The following TMEM183A variants were observed in gnomAD, a reference collection of about 807,000 sequenced individuals.
The protein encoded by TMEM183A is transmembrane protein 183A.
In TMEM183A, 21 loss-of-function variants were observed where a neutral mutation model predicts 46.7. The observed-to-expected ratio is 0.45, with a 90% CI of 0.32 to 0.65. The LOEUF (loss-of-function observed/expected upper bound fraction) is 0.65. Among genes scored for constraint, TMEM183A ranks in the 30% least tolerant of loss-of-function variants. The pLI, the probability that TMEM183A is intolerant of heterozygous loss-of-function variation, is 0.04. For synonymous variants in TMEM183A, 165 were observed against 180.2 expected (o/e 0.92, Z 0.68); for missense variants, 331 against 481.9 (o/e 0.69, Z 2.93).
intron 3 of TMEM183A, among the ~76,000 whole-genome samples, chr1:203,012,424 C>T (rs1252640322): frequency 6.6e-6 from 1 of 152,136 alleles, no homozygotes; most frequent in South Asian, 2.1e-4. Flanking sequence ...TTTCTGTTTA[C>T]TGTTCTCACA....
chr1:203,020,788 T>G lies in TMEM183A; in HGVS notation c.790-5T>G, dbSNP rs1657584779. On this transcript the variant is annotated splice_polypyrimidine_tract_variant and splice_region_variant and intron_variant, in intron 6 of 7. Transcript: ENST00000367242. Reference sequence around the variant, plus strand: ...GCCATTGGATTAATTCTCAGTTCTCTTCAGTCCCCTAGGTTAAAGAGCAAG... The same window carrying G: ...GCCATTGGATTAATTCTCAGTTCTCGTCAGTCCCCTAGGTTAAAGAGCAAG... The G allele has an allele frequency of 6.2e-7, 1 of 1,613,712 alleles. No homozygotes were observed. The highest frequency in any genetic ancestry group is 8.5e-7 in the Non-Finnish European group (1 of 1,179,830).
intron 3 of TMEM183A, among the ~76,000 whole-genome samples, chr1:203,009,108 C>T (rs953861015): frequency 6.6e-6 from 1 of 152,148 alleles, no homozygotes; most frequent in Non-Finnish European, 1.5e-5. Context: ...GGTAAAAACC[C>T]ATAAGGCAAT....
At chr1:203,008,475 T>C (rs1656210984) in intron 2 of TMEM183A, among the ~76,000 whole-genome samples, 168 bp from the exon 3 acceptor site, 1 of 150,332 alleles carries the variant, frequency 6.7e-6, no homozygotes, top group Non-Finnish European at 1.5e-5. Flanking sequence ...TTTTTTTGTA[T>C]TTAAAATACT....
intron 3 of TMEM183A, among the ~76,000 whole-genome samples, chr1:203,012,077 T>G (rs1656655705): frequency 6.6e-6 from 1 of 151,832 alleles, no homozygotes; most frequent in Non-Finnish European, 1.5e-5. Flanking sequence ...TTTCTTTTTT[T>G]AATTAACATT....
chr1:203,012,541 C>T (rs868572842), intron 3 of TMEM183A, among the ~76,000 whole-genome samples: 1 of 152,148 alleles, frequency 6.6e-6, no homozygotes, highest in Admixed American at 6.5e-5. Context: ...TGATTTATCT[C>T]CATGAAGCTT....
intron 3 of TMEM183A, among the ~76,000 whole-genome samples, chr1:203,012,214 CAACCATTACTCCCCACTCCA>C: frequency 2.1e-5 from 2 of 97,006 alleles, no homozygotes; most frequent in African/African-American, 4.0e-5. Flanking sequence ...ATTTTTACTT[CAACCATTACTCCCCACTCCA>C]TCACACACAC....
intron 1 of TMEM183A, 47 bp from the exon 2 acceptor site, chr1:203,007,727 G>T: frequency 6.2e-7 from 1 of 1,607,608 alleles, no homozygotes; most frequent in Non-Finnish European, 8.5e-7. Context: ...CGGGGAAGAC[G>T]CTGACGAGAG....
rs958582534 is a variant in TMEM183A, at chr1:203,007,845, A to G, written c.181A>G (p.Asn61Asp). 8 of 1,614,108 alleles carry G rather than the reference A, an allele frequency of 5.0e-6. No individual in the cohort carries two copies. Among genetic ancestry groups the G allele is most frequent in the Non-Finnish European group, 6.8e-6 (8 of 1,179,934 alleles). Residue 61 changes from asparagine (N) to aspartate (D), a missense_variant, in exon 2 of 8, where the codon AAC becomes GAC. By Grantham distance (23) the Asn-to-Asp change is conservative. Coordinates refer to ENST00000367242, the MANE Select transcript of TMEM183A (RefSeq NM_138391.6). ...RSGRVKKAVA[N>D]AVQQEVKSLC... Reference sequence around the variant, plus strand: ...TGGACGAGTCAAGAAAGCCGTAGCCAACGCTGTTCAGCAGGAAGGTAAGCT... The same window carrying G: ...TGGACGAGTCAAGAAAGCCGTAGCCGACGCTGTTCAGCAGGAAGGTAAGCT...
chr1:203,012,148 T>TCTCACATACA (rs1553249434), intron 3 of TMEM183A, among the ~76,000 whole-genome samples: 9 of 79,400 alleles, frequency 1.1e-4, no homozygotes, highest in Non-Finnish European at 1.9e-4. Context: ...CCCCACTCCA[T>TCTCACATACA]CACACACACA....
At chr1:203,017,668 A>G in intron 5 of TMEM183A, 1 of 903,154 alleles carries the variant, frequency 1.1e-6, no homozygotes, top group African/African-American at 1.8e-5. Flanking sequence ...CGTGGCATTC[A>G]GGGAGTTGCC....
At position 203,007,397 on chromosome 1, in the gene TMEM183A, G is replaced by C. The variant is rs1032545749; in HGVS notation, c.-69G>C. The C allele has an allele frequency of 4.2e-5, 55 of 1,320,988 alleles. No homozygotes were observed. Among genetic ancestry groups the C allele is most frequent in the Non-Finnish European group, 5.2e-5 (54 of 1,030,618 alleles). 81.8% of individuals were successfully genotyped at this position (1,320,988 alleles called of 1,614,324 possible). A position where few individuals can be genotyped will look rare whatever the true frequency, so the allele number is the denominator to read the frequency against. On this transcript the variant is annotated 5_prime_UTR_variant, in exon 1 of 8. Transcript: ENST00000367242. The stretch of plus-strand genomic sequence containing the variant: ...TTCTCGCGAGAGTTAGCGGCCTCCG[G>C]TGTGGGATGGCCGCGGAGCCGGGCG...
chr1:203,014,373 C>T (rs750509884), intron 3 of TMEM183A, among the ~76,000 whole-genome samples: 6 of 152,120 alleles, frequency 3.9e-5, no homozygotes, highest in African/African-American at 9.7e-5. Flanking sequence ...GAGGCCAAGG[C>T]GGGTGGATCA....
chr1:203,022,564 A>G (rs919113298), intron 7 of TMEM183A, among the ~76,000 whole-genome samples: 14 of 151,972 alleles, frequency 9.2e-5, no homozygotes, highest in African/African-American at 3.4e-4. Context: ...TTAGCCGGTC[A>G]TGGTGGTGCA....
chr1:203,022,652 G>A (rs1657805568), intron 7 of TMEM183A, among the ~76,000 whole-genome samples: 2 of 150,596 alleles, frequency 1.3e-5, no homozygotes, highest in South Asian at 2.1e-4. Flanking sequence ...GCAGTGAGCC[G>A]AGATCACATC....
intron 3 of TMEM183A, among the ~76,000 whole-genome samples, chr1:203,009,584 C>T (rs528008057): frequency 3.3e-5 from 5 of 152,074 alleles, no homozygotes; most frequent in African/African-American, 1.2e-4. Context: ...CAGGCTTAAG[C>T]GATCCCCCCA....
At position 203,014,962 on chromosome 1, in the gene TMEM183A, T is replaced by C; in HGVS notation, c.441T>C (p.Pro147=). Residue 147 remains proline (P), a synonymous_variant, in exon 4 of 8, where the codon CCT becomes CCC. Transcript: ENST00000367242. ...TATTGCTGGCCTCCTATATCCGTCC[T>C]GAGGACATTGTGAATTTTTCCCTGA... The part of the protein sequence containing the change: ...IWLLLASYIR[P]EDIVNFSLIC... The C allele has an allele frequency of 6.2e-7, 1 of 1,613,956 alleles. No individual in the cohort carries two copies. Among genetic ancestry groups the C allele is most frequent in the Non-Finnish European group, 8.5e-7 (1 of 1,179,880 alleles).
chr1:203,018,316 C>T (rs1340343014), intron 5 of TMEM183A, among the ~76,000 whole-genome samples, 165 bp from the exon 6 acceptor site: 1 of 152,168 alleles, frequency 6.6e-6, no homozygotes, highest in African/African-American at 2.4e-5. Flanking sequence ...GCACCAGTGT[C>T]AACTTGGGGG....
intron 4 of TMEM183A, chr1:203,015,731 G>A (rs1657105843): frequency 1.8e-6 from 1 of 550,538 alleles, no homozygotes; most frequent in East Asian, 3.2e-5. Context: ...TTGCTCTTTT[G>A]TTCAGTGAAA....
At chr1:203,008,600 G>A (rs1656230062) in intron 2 of TMEM183A, 43 bp from the exon 3 acceptor site, 2 of 1,415,784 alleles carry the variant, frequency 1.4e-6, no homozygotes, top group African/African-American at 1.5e-5. Flanking sequence ...GTATTTCTGG[G>A]TGGAGCTGTG....
Sources: gnomAD v4.1 joint callset for allele counts (sites outside exome capture counted in the v4.1 genomes callset) on GRCh38, gnomAD v4.1.1 for gene constraint, MANE v1.5 for transcripts, NCBI Gene and HGNC (gene_info 2026-07-23, HGNC 2026-07-21) for gene names.